The following GRID1 variants were observed in gnomAD, a reference collection of about 807,000 sequenced individuals.
The protein encoded by GRID1 is glutamate receptor ionotropic, delta-1.
A neutral mutation model predicts 98.0 loss-of-function variants in GRID1; 28 were observed. That is an observed-to-expected ratio of 0.29 (90% CI 0.21 to 0.39). The LOEUF (loss-of-function observed/expected upper bound fraction) is 0.39, where lower values mean the gene tolerates loss of function less well. Among genes scored for constraint, GRID1 ranks in the 10% least tolerant of loss-of-function variants. GRID1 has a pLI of 1.00. For missense variants in GRID1, 1,111 were observed against 1,340.5 expected (o/e 0.83, Z 2.67); for synonymous variants, 553 against 538.5 (o/e 1.03, Z -0.37).
intron 4 of GRID1, among the ~76,000 whole-genome samples, chr10:86,114,803 T>C (rs1165270736): frequency 6.6e-6 from 1 of 152,104 alleles, no homozygotes; most frequent in Non-Finnish European, 1.5e-5. Flanking sequence ...GGCTCCCACC[T>C]CCCAGCATTA....
At chr10:85,721,888 G>A (rs1388744064) in intron 12 of GRID1, among the ~76,000 whole-genome samples, 4 of 152,142 alleles carry the variant, frequency 2.6e-5, no homozygotes, top group African/African-American at 9.7e-5. Context: ...GGGGAACAGT[G>A]AATAAAATCA....
chr10:85,839,721 C>A (rs563012165), intron 8 of GRID1, among the ~76,000 whole-genome samples: 74 of 151,920 alleles, frequency 4.9e-4, no homozygotes, highest in African/African-American at 1.6e-3. Context: ...ACTAGAGAAC[C>A]AAAAGCAAAC....
intron 8 of GRID1, among the ~76,000 whole-genome samples, chr10:85,737,565 A>G (rs1841895528): frequency 6.6e-6 from 1 of 150,588 alleles, no homozygotes; most frequent in Non-Finnish European, 1.5e-5. Context: ...AAGAGCAAGG[A>G]TGGAGGCAGG....
At chr10:85,830,084 C>T (rs1326044680) in intron 8 of GRID1, among the ~76,000 whole-genome samples, 1 of 152,178 alleles carries the variant, frequency 6.6e-6, no homozygotes, top group African/African-American at 2.4e-5. Context: ...GTAGCCAGAA[C>T]AGCATGGTAC....
intron 3 of GRID1, among the ~76,000 whole-genome samples, chr10:86,180,663 A>G (rs1845642764): frequency 6.6e-6 from 1 of 152,018 alleles, no homozygotes; most frequent in Non-Finnish European, 1.5e-5. Context: ...CTGCTCCACA[A>G]AAGGCTCCCT....
chr10:86,080,404 A>G (rs71503845), intron 4 of GRID1, among the ~76,000 whole-genome samples: 23,057 of 46,574 alleles, frequency 0.5, 5,952 homozygotes, highest in East Asian at 0.69. Context: ...AAGGGAAGGG[A>G]AGGGAAGGGG....
chr10:86,216,807 C>T (rs1355733970), intron 2 of GRID1, among the ~76,000 whole-genome samples: 1 of 152,138 alleles, frequency 6.6e-6, no homozygotes, highest in Non-Finnish European at 1.5e-5. Flanking sequence ...TTGGGCAGCA[C>T]AGGGAGCTCT....
At chr10:85,742,403 C>T (rs1336275757) in intron 8 of GRID1, among the ~76,000 whole-genome samples, 1 of 152,210 alleles carries the variant, frequency 6.6e-6, no homozygotes, top group Non-Finnish European at 1.5e-5. Context: ...GCCCAAGGGC[C>T]ATAGTTCGTT....
intron 4 of GRID1, among the ~76,000 whole-genome samples, chr10:86,071,931 A>C (rs1434947690): frequency 6.6e-6 from 1 of 152,198 alleles, no homozygotes; most frequent in African/African-American, 2.4e-5. Context: ...GGAATAGTGA[A>C]GTGAAAGAGA....
chr10:85,676,913 C>A (rs1006609089), intron 12 of GRID1, among the ~76,000 whole-genome samples: 5 of 152,206 alleles, frequency 3.3e-5, no homozygotes, highest in Non-Finnish European at 7.3e-5. Context: ...GCAGGCAGAG[C>A]TAGCAGAACC....
At chr10:85,878,411 C>T (rs1428739552) in intron 5 of GRID1, among the ~76,000 whole-genome samples, 3 of 152,218 alleles carry the variant, frequency 2.0e-5, no homozygotes, top group Non-Finnish European at 4.4e-5. Context: ...ATCAGACTAA[C>T]AGCAGATCTC....
chr10:85,881,405 G>T (rs1413512009), intron 5 of GRID1, among the ~76,000 whole-genome samples: 1 of 152,142 alleles, frequency 6.6e-6, no homozygotes, highest in African/African-American at 2.4e-5. Context: ...AAAACAGCAT[G>T]GTACTGGTAC....
chr10:86,323,830 G>A (rs1315025309), intron 2 of GRID1, among the ~76,000 whole-genome samples: 1 of 152,154 alleles, frequency 6.6e-6, no homozygotes, highest in Non-Finnish European at 1.5e-5. Flanking sequence ...ATGAATCAAA[G>A]AACATAATGT....
intron 15 of GRID1, among the ~76,000 whole-genome samples, chr10:85,608,100 G>A (rs551617715): frequency 3.0e-4 from 45 of 151,880 alleles, no homozygotes; most frequent in East Asian, 2.9e-3. Context: ...ATAGGCATGC[G>A]CCACTACACC....
chr10:86,325,879 C>T (rs1848042682), intron 2 of GRID1, among the ~76,000 whole-genome samples: 1 of 152,136 alleles, frequency 6.6e-6, no homozygotes, highest in Non-Finnish European at 1.5e-5. Context: ...TAGCATTGTC[C>T]CAGACAACGT....
Position 85,735,817 on chromosome 10 carries a change from G to C in GRID1, c.1234-6203C>G, listed in dbSNP as rs1841874351. ...GGAAGGGAGGAAGGAAGGAGGGATG[G>C]AGGGATGCAGGGAAGGAAAGAAGGA... On this transcript the variant is annotated intron_variant, in intron 8 of 15. Transcript: ENST00000327946. Among the ~76,000 whole-genome samples, 5 of 150,954 alleles carry C rather than the reference G, an allele frequency of 3.3e-5. No individual in the cohort carries two copies. The Admixed American group carries it at 3.3e-4, about 10-fold the overall frequency.
At chr10:86,143,876 A>T (rs1845046476) in intron 3 of GRID1, among the ~76,000 whole-genome samples, 1 of 152,216 alleles carries the variant, frequency 6.6e-6, no homozygotes, top group Admixed American at 6.5e-5. Flanking sequence ...CAAGGAATGC[A>T]AGGTGACGGT....
intron 12 of GRID1, among the ~76,000 whole-genome samples, chr10:85,657,599 T>C (rs1027720963): frequency 6.6e-6 from 1 of 152,210 alleles, no homozygotes; most frequent in African/African-American, 2.4e-5. Context: ...TCAGGACAAC[T>C]GTGAGTCAAT....
At chr10:86,234,275 T>C (rs1327749859) in intron 2 of GRID1, among the ~76,000 whole-genome samples, 1 of 152,214 alleles carries the variant, frequency 6.6e-6, no homozygotes, top group African/African-American at 2.4e-5. Context: ...TTCAGGGTTA[T>C]TGAGAAACAA....
Sources: allele counts gnomAD v4.1 joint callset (sites outside exome capture counted in the v4.1 genomes callset), GRCh38; gene constraint gnomAD v4.1.1; transcripts MANE v1.5; gene names NCBI Gene and HGNC (gene_info 2026-07-23, HGNC 2026-07-21).